Variants in RCSD1 observed in about 807,000 individuals in gnomAD.
The protein encoded by RCSD1 is capZ-interacting protein.
Under a neutral mutation model 42.5 loss-of-function variants are expected in RCSD1, and 26 were observed. The observed-to-expected ratio is 0.61, with a 90% CI of 0.45 to 0.85. The LOEUF is 0.85. Ranked by LOEUF, RCSD1 falls within the 40% of genes least tolerant of loss-of-function variation. RCSD1 has a pLI of 0.00. For synonymous variants in RCSD1, 220 were observed against 212.2 expected (o/e 1.04, Z -0.32); for missense variants, 571 against 528.3 (o/e 1.08, Z -0.79).
intron 1 of RCSD1, among the ~76,000 whole-genome samples, chr1:167,648,523 G>A (rs10489194): frequency 2.0e-5 from 3 of 152,182 alleles, no homozygotes; most frequent in South Asian, 4.1e-4. Context: ...GTTTAGCAAA[G>A]AGCCCTTTCC....
Position 167,697,827 on chromosome 1 carries a change from A to C in RCSD1, c.1203A>C (p.Ala401=), listed in dbSNP as rs1469333817. The C allele has an allele frequency of 2.7e-6, 4 of 1,466,060 alleles. No individual in the cohort carries two copies. In the East Asian group the frequency reaches 9.7e-5, roughly 35 times the overall value. The allele number at this position is 1,466,060 out of a possible 1,614,324, so 90.8% of individuals were successfully genotyped here. A position where few individuals can be genotyped will look rare whatever the true frequency, so the allele number is the denominator to read the frequency against. The part of the protein sequence containing the change: ...ETSSEVQSEP[A]VPKPEDDTPV... ...GCAGTGAGGTCCAGAGCGAGCCAGC[A>C]GTCCCCAAGCCGGAGGTAGGTGGCC... Residue 401 remains alanine, a synonymous_variant, in exon 6 of 7, where the codon GCA becomes GCC. Coordinates refer to ENST00000367854, the MANE Select transcript of RCSD1 (RefSeq NM_052862.4).
At chr1:167,688,040 C>A (rs978447844) in intron 3 of RCSD1, among the ~76,000 whole-genome samples, 1 of 152,168 alleles carries the variant, frequency 6.6e-6, no homozygotes, top group African/African-American at 2.4e-5. Context: ...TTTTCTCCAC[C>A]GGATTGTTAG....
At chr1:167,690,233 G>C (rs1457827541) in intron 4 of RCSD1, 113 bp downstream of exon 4, 24 of 884,278 alleles carry the variant, frequency 2.7e-5, no homozygotes, top group Non-Finnish European at 3.9e-5. Context: ...CTGCATAATT[G>C]GCCCCAATAA....
At chr1:167,676,314 C>T (rs1000993969) in intron 1 of RCSD1, among the ~76,000 whole-genome samples, 4 of 152,226 alleles carry the variant, frequency 2.6e-5, no homozygotes, top group African/African-American at 9.6e-5. Context: ...CATCAGCCTC[C>T]TTCCTGCCAT....
intron 1 of RCSD1, among the ~76,000 whole-genome samples, chr1:167,636,993 C>G (rs1444161249): frequency 6.6e-6 from 1 of 152,212 alleles, no homozygotes; most frequent in African/African-American, 2.4e-5. Context: ...CCTTGAAGAA[C>G]TTGCAGTCTA....
intron 1 of RCSD1, among the ~76,000 whole-genome samples, chr1:167,675,207 G>GAAAA (rs34426324): frequency 2.2e-4 from 11 of 49,152 alleles, no homozygotes; most frequent in African/African-American, 5.3e-4. Flanking sequence ...CTCCATCTCG[G>GAAAA]AAAAAAAAAA....
intron 1 of RCSD1, among the ~76,000 whole-genome samples, chr1:167,636,584 T>TTG (rs1657858048): frequency 2.0e-5 from 3 of 152,136 alleles, no homozygotes; most frequent in Admixed American, 2.0e-4. Flanking sequence ...CTTTTTGTTT[T>TTG]TTTTTGTTTG....
chr1:167,671,257 T>C (rs573984672), intron 1 of RCSD1, among the ~76,000 whole-genome samples: 41 of 152,326 alleles, frequency 2.7e-4, no homozygotes, highest in African/African-American at 9.4e-4. Flanking sequence ...ATTCTCACTC[T>C]ACATGTCTAA....
intron 1 of RCSD1, among the ~76,000 whole-genome samples, chr1:167,675,879 G>A (rs1002094839): frequency 6.6e-6 from 1 of 151,936 alleles, no homozygotes; most frequent in African/African-American, 2.4e-5. Flanking sequence ...TAGCTAGCTG[G>A]GGCTCTATCT....
chr1:167,683,926 T>C lies in RCSD1; in HGVS notation c.33T>C (p.Asn11=). The C allele has an allele frequency of 1.9e-6, 3 of 1,614,206 alleles. No homozygotes were observed. The highest frequency in any genetic ancestry group is 2.5e-6 in the Non-Finnish European group (3 of 1,180,030). Residue 11 remains asparagine, a synonymous_variant, in exon 2 of 7, where the codon AAT becomes AAC. Transcript: ENST00000367854. ...AAAGACCGGCAGAGACCAATGCCAATGTGGACAACTCGGCGTCCCCCTCGG... is the reference window on the plus strand; with the variant it reads ...AAAGACCGGCAGAGACCAATGCCAACGTGGACAACTCGGCGTCCCCCTCGG... MEERPAETNA[N]VDNSASPSVA...
chr1:167,701,808 G>A lies in RCSD1; in HGVS notation c.1219-2856G>A, dbSNP rs141726399. ...GTCCTCCCTGTTCCTCTTAAACCAG[G>A]TCAAGGTCAGAATCAAAATGCCTGA... On this transcript the variant is annotated intron_variant, in intron 6 of 6. Transcript: ENST00000367854. Among the ~76,000 whole-genome samples the A allele has an allele frequency of 8.9e-4, 135 of 152,286 alleles. 1 individual carries two copies. In the Middle Eastern group the frequency reaches 0.014, roughly 15 times the overall value.
rs1659796052 is a variant in RCSD1 at position 167,707,862 on chromosome 1, T to C, written c.*3166T>C. ...AGTATGCACCACCATGCCCAGCTAA[T>C]TTTTGTATTTTTTAGTAGAGACCAG... On this transcript the variant is annotated 3_prime_UTR_variant, in exon 7 of 7. Transcript: ENST00000367854. Among the ~76,000 whole-genome samples the C allele has an allele frequency of 6.6e-6, 1 of 152,286 alleles. No homozygotes were observed. The highest frequency in any genetic ancestry group is 2.1e-4 in the South Asian group (1 of 4,826).
At chr1:167,704,494 CA>C (rs1659712102) in intron 6 of RCSD1, among the ~76,000 whole-genome samples, 169 bp from the exon 7 acceptor site, 1 of 143,622 alleles carries the variant, frequency 7.0e-6, no homozygotes, top group Non-Finnish European at 1.6e-5. Context: ...TTAAATAAGT[CA>C]ATGCATAAAA....
intron 1 of RCSD1, among the ~76,000 whole-genome samples, chr1:167,661,167 A>T (rs931603729): frequency 1.3e-5 from 2 of 152,238 alleles, no homozygotes; most frequent in African/African-American, 4.8e-5. Flanking sequence ...CTTACCATAC[A>T]CATTGTGACT....
At chr1:167,651,811 G>A (rs1357562947) in intron 1 of RCSD1, among the ~76,000 whole-genome samples, 1 of 152,126 alleles carries the variant, frequency 6.6e-6, no homozygotes. Flanking sequence ...AACAGGGTGG[G>A]ATGAGCCTCT....
chr1:167,708,314 A>G lies in RCSD1; in HGVS notation c.*3618A>G, dbSNP rs1254605913. ...AGGCAAAAAACAACAGCTGTTTCCC[A>G]TAGGGCAAAACCTGAAACACCCAAT... On this transcript the variant is annotated 3_prime_UTR_variant, in exon 7 of 7. Coordinates refer to ENST00000367854, the MANE Select transcript of RCSD1 (RefSeq NM_052862.4). 6.6e-6 allele frequency among the ~76,000 whole-genome samples: 1 copy of G among 152,230 alleles called. No homozygotes were observed. Among genetic ancestry groups the G allele is most frequent in the Non-Finnish European group, 1.5e-5 (1 of 68,036 alleles).
At chr1:167,684,401 A>T (rs1009416664) in intron 2 of RCSD1, among the ~76,000 whole-genome samples, 2 of 152,322 alleles carry the variant, frequency 1.3e-5, no homozygotes, top group African/African-American at 4.8e-5. Context: ...CAGACTCCAA[A>T]TCGAGAATTG....
At chr1:167,691,466 T>G (rs914821200) in intron 4 of RCSD1, among the ~76,000 whole-genome samples, 1 of 152,204 alleles carries the variant, frequency 6.6e-6, no homozygotes, top group African/African-American at 2.4e-5. Flanking sequence ...GAGGCAGGCA[T>G]GTTATGTCCA....
At chr1:167,667,512 T>C (rs943878986) in intron 1 of RCSD1, among the ~76,000 whole-genome samples, 6 of 152,228 alleles carry the variant, frequency 3.9e-5, no homozygotes, top group Admixed American at 3.9e-4. Context: ...TTTTAAGTAT[T>C]TTTGATGTGT....
Sources: gnomAD v4.1 joint callset for allele counts (sites outside exome capture counted in the v4.1 genomes callset) on GRCh38, gnomAD v4.1.1 for gene constraint, MANE v1.5 for transcripts, NCBI Gene and HGNC (gene_info 2026-07-23, HGNC 2026-07-21) for gene names.